Variants in CCR6 observed in about 807,000 individuals in gnomAD.
The protein encoded by CCR6 is C-C motif chemokine receptor 6.
In CCR6, 2 loss-of-function variants were observed where a neutral mutation model predicts 3.0. The ratio of observed to expected loss-of-function variants is 0.66; its 90% CI spans 0.27 to 2.07. CCR6 has a LOEUF of 2.07. Among genes scored for constraint, CCR6 ranks in the 30% most tolerant of loss-of-function variants. CCR6 has a pLI of 0.14. For synonymous variants in CCR6, 193 were observed against 184.3 expected, an observed-to-expected ratio of 1.05 and a Z score of -0.38; for missense variants, 322 against 462.8, an observed-to-expected ratio of 0.70 and a Z score of 2.79.
intron 1 of CCR6, among the ~76,000 whole-genome samples, chr6:167,135,783 T>C (rs1221360293): frequency 6.6e-6 from 1 of 152,214 alleles, no homozygotes; most frequent in Non-Finnish European, 1.5e-5. Flanking sequence ...TATGTAATTG[T>C]AGATGCTTTC....
At position 167,137,377 on chromosome 6, in the gene CCR6, G is replaced by A; in HGVS notation, c.*22G>A. 1 of 1,586,374 alleles carries A rather than the reference G, an allele frequency of 6.3e-7. No individual in the cohort carries two copies. Among genetic ancestry groups the A allele is most frequent in the Non-Finnish European group, 8.6e-7 (1 of 1,169,240 alleles). On this transcript the variant is annotated 3_prime_UTR_variant, in exon 3 of 3. Transcript: ENST00000341935. The surrounding 1 kb of genome is among the most constrained non-coding windows in gnomAD (Gnocchi z 4.6). ...GTGATAGAAAGCTGAGTCTCCCTAAGGCATGTGTGAAACATACTCATAGAT... is the reference window on the plus strand; with the variant it reads ...GTGATAGAAAGCTGAGTCTCCCTAAAGCATGTGTGAAACATACTCATAGAT...
intron 1 of CCR6, among the ~76,000 whole-genome samples, chr6:167,129,980 C>T (rs1781728241): frequency 6.6e-6 from 1 of 151,782 alleles, no homozygotes; most frequent in Non-Finnish European, 1.5e-5. Context: ...CCCTGAAACT[C>T]CTCCTCCAAA....
intron 1 of CCR6, among the ~76,000 whole-genome samples, chr6:167,112,407 A>G (rs1781429425): frequency 6.6e-6 from 1 of 152,200 alleles, no homozygotes; most frequent in African/African-American, 2.4e-5. Flanking sequence ...AAGACATTCC[A>G]TACCATCTGC....
chr6:167,137,407 T>C lies in CCR6; in HGVS notation c.*52T>C, dbSNP rs373043902. ...GTGTGAAACATACTCATAGATGTTA[T>C]GCAAAAAAAAGTCTATGGCCAGGTA... On this transcript the variant is annotated 3_prime_UTR_variant, in exon 3 of 3. Transcript: ENST00000341935. The surrounding 1 kb of genome is among the most constrained non-coding windows in gnomAD (Gnocchi z 4.6). The C allele has an allele frequency of 1.1e-4, 170 of 1,524,314 alleles. 1 individual carries two copies. In the African/African-American group the frequency reaches 2.2e-3, roughly 20 times the overall value. The allele number at this position is 1,524,314 out of a possible 1,614,324, so 94.4% of individuals were successfully genotyped here.
Position 167,130,838 on chromosome 6 carries a change from G to A in CCR6, c.-97-5200G>A, listed in dbSNP as rs34015285. Among the ~76,000 whole-genome samples the A allele has an allele frequency of 2.7e-3, 399 of 147,934 alleles. 12 individuals carry two copies. The highest frequency in any genetic ancestry group is 0.018 in the Admixed American group (264 of 14,966). On this transcript the variant is annotated intron_variant, in intron 1 of 2. Transcript: ENST00000341935. ...TAAAGTAGTGTCTTATGAACAGGAC[G>A]GAGTAGGCCAGCTTCTCATAGCTCT...
intron 1 of CCR6, among the ~76,000 whole-genome samples, chr6:167,125,395 C>T (rs1193439526): frequency 6.6e-6 from 1 of 152,226 alleles, no homozygotes; most frequent in African/African-American, 2.4e-5. Flanking sequence ...GCTTGGTCCC[C>T]CCAACCCCTG....
At chr6:167,116,710 C>A (rs1009985913) in intron 1 of CCR6, 1 of 152,356 alleles carries the variant, frequency 6.6e-6, no homozygotes, top group African/African-American at 2.4e-5. Context: ...CTATGCCACC[C>A]CCTAGCAGAG....
intron 1 of CCR6, among the ~76,000 whole-genome samples, chr6:167,132,807 C>G (rs1187097942): frequency 6.6e-6 from 1 of 152,204 alleles, no homozygotes; most frequent in Non-Finnish European, 1.5e-5. Flanking sequence ...TCCCAAATTG[C>G]TGGGATTACA....
chr6:167,119,756 C>CT (rs1256763162), upstream of CCR6, among the ~76,000 whole-genome samples: 1 of 152,086 alleles, frequency 6.6e-6, no homozygotes, highest in Non-Finnish European at 1.5e-5. Context: ...GTTAAGTAGC[C>CT]TTTTTTAACT....
Position 167,136,197 on chromosome 6 carries a change from G to A in CCR6, c.10-43G>A. On this transcript the variant is annotated intron_variant, in intron 2 of 2. Transcript: ENST00000341935. This position sits in a 1 kb window ranked among gnomAD's most constrained non-coding sequence, Gnocchi z 4.6. ...TAATTTGGGTTCACTGTGGCTACTT[G>A]AACACTACACTGCAGCTAACTCTAT... 6.2e-7 allele frequency: 1 copy of A among 1,611,938 alleles called. No homozygotes were observed. Among genetic ancestry groups the A allele is most frequent in the East Asian group, 2.2e-5 (1 of 44,862 alleles).
chr6:167,118,891 G>A (rs910796113), upstream of CCR6, among the ~76,000 whole-genome samples: 3 of 152,232 alleles, frequency 2.0e-5, no homozygotes, highest in South Asian at 2.1e-4. Flanking sequence ...CCTTGGTCCC[G>A]GCTCCCTTCT....
At chr6:167,115,528 T>C (rs1054311158) in intron 1 of CCR6, 3 of 152,186 alleles carry the variant, frequency 2.0e-5, no homozygotes, top group African/African-American at 7.2e-5. Flanking sequence ...TAGTGTCTTT[T>C]CCCCATTTTC....
chr6:167,134,019 A>G (rs1056638683), intron 1 of CCR6, among the ~76,000 whole-genome samples: 1 of 143,884 alleles, frequency 7.0e-6, no homozygotes, highest in Non-Finnish European at 1.5e-5. Context: ...TATTTTACAT[A>G]TTGTATATTT....
At chr6:167,132,037 CTGTTATTT>C (rs1781776683) in intron 1 of CCR6, among the ~76,000 whole-genome samples, 2 of 152,148 alleles carry the variant, frequency 1.3e-5, no homozygotes, top group African/African-American at 4.8e-5. Flanking sequence ...ATTCCTGCCA[CTGTTATTT>C]TGCCTTTTCT....
Position 167,138,928 on chromosome 6 carries a change from C to CAAAAAAAA in CCR6, c.*1587_*1594dup. On this transcript the variant is annotated 3_prime_UTR_variant, in exon 3 of 3. Transcript: ENST00000341935. ...TGGGTGACAAAGCGAGACTCCATCT[C>CAAAAAAAA]AAAAAAAAAAAAAAAAAAAAAGGAA... The CAAAAAAAA allele has an allele frequency of 1.3e-5, 1 of 74,798 alleles. No homozygotes were observed. Among genetic ancestry groups the CAAAAAAAA allele is most frequent in the Non-Finnish European group, 2.3e-5 (1 of 44,026 alleles). 4.6% of individuals were successfully genotyped at this position (74,798 alleles called of 1,614,324 possible).
At chr6:167,126,533 G>A (rs916793968) in intron 1 of CCR6, 11 of 152,396 alleles carry the variant, frequency 7.2e-5, no homozygotes, top group Admixed American at 2.0e-4. Context: ...TGCCAGCCCT[G>A]GGGGGCCTGT....
chr6:167,128,872 C>T (rs1479521357), intron 1 of CCR6, among the ~76,000 whole-genome samples: 1 of 152,218 alleles, frequency 6.6e-6, no homozygotes, highest in Non-Finnish European at 1.5e-5. Flanking sequence ...ATGCACGCGG[C>T]CTGCTTATTT....
chr6:167,121,824 G>T (rs1781591816), upstream of CCR6, among the ~76,000 whole-genome samples: 2 of 152,210 alleles, frequency 1.3e-5, no homozygotes, highest in South Asian at 4.1e-4. Context: ...GGAGAGGAAT[G>T]ATGGCAGCAA....
At chr6:167,125,066 C>G (rs1781650283) in intron 1 of CCR6, among the ~76,000 whole-genome samples, 2 of 151,796 alleles carry the variant, frequency 1.3e-5, no homozygotes. Context: ...CATATGCACA[C>G]TGCACACATG....
Sources: allele counts gnomAD v4.1 joint callset (sites outside exome capture counted in the v4.1 genomes callset), GRCh38; gene constraint gnomAD v4.1.1; non-coding constraint Gnocchi (gnomAD v3.1); transcripts MANE v1.5; gene names NCBI Gene and HGNC (gene_info 2026-07-23, HGNC 2026-07-21).